RNF170: variants seen among roughly 807,000 people sequenced by gnomAD.
The protein encoded by RNF170 is E3 ubiquitin-protein ligase RNF170.
A neutral mutation model predicts 32.7 loss-of-function variants in RNF170; 12 were observed. That is an observed-to-expected ratio of 0.37 (90% CI 0.24 to 0.60). RNF170 has a LOEUF of 0.60. RNF170 is among the 20% of genes least tolerant of loss of function. The pLI, the probability that RNF170 is intolerant of heterozygous loss-of-function variation, is 0.72. For synonymous variants in RNF170, 91 were observed against 103.6 expected (o/e 0.88, Z 0.74); for missense variants, 212 against 311.2 (o/e 0.68, Z 2.40).
intron 5 of RNF170, among the ~76,000 whole-genome samples, chr8:42,863,980 AGTGTGTGTGTGTGTGTGTGTGT>A (rs71231874): frequency 7.2e-6 from 1 of 139,512 alleles, no homozygotes; most frequent in African/African-American, 2.7e-5. Context: ...AGAGAGAGAG[AGTGTGTGTGTGTGTGTGTGTGT>A]GTGTGTGTGT....
chr8:42,866,155 T>C (rs73634702), intron 4 of RNF170, among the ~76,000 whole-genome samples: 2,179 of 152,244 alleles, frequency 0.014, 52 homozygotes, highest in African/African-American at 0.051. Context: ...AGAGCATAAA[T>C]TTTCTGTTCT....
intron 5 of RNF170, among the ~76,000 whole-genome samples, chr8:42,864,564 T>C (rs1181563154): frequency 1.3e-5 from 2 of 152,158 alleles, no homozygotes; most frequent in Admixed American, 6.5e-5. Flanking sequence ...TGGAGAGAAT[T>C]TGGCATGTCT....
At chr8:42,876,676 T>C (rs1202642322) in intron 2 of RNF170, among the ~76,000 whole-genome samples, 13 of 150,452 alleles carry the variant, frequency 8.6e-5, no homozygotes, top group Admixed American at 4.6e-4. Context: ...TTTTTTTTTT[T>C]TGAGACAGAG....
intron 6 of RNF170, among the ~76,000 whole-genome samples, chr8:42,860,932 G>T (rs899837472): frequency 6.6e-6 from 1 of 152,048 alleles, no homozygotes; most frequent in African/African-American, 2.4e-5. Context: ...TGGCCAGGCT[G>T]GTCTCGAACT....
intron 1 of RNF170, among the ~76,000 whole-genome samples, chr8:42,890,427 C>G (rs1010248351): frequency 2.0e-5 from 3 of 151,692 alleles, no homozygotes; most frequent in African/African-American, 7.3e-5. Context: ...ACAGGCGCCC[C>G]CCACCACACC....
At chr8:42,869,037 AG>A in intron 4 of RNF170, among the ~76,000 whole-genome samples, 1 of 152,126 alleles carries the variant, frequency 6.6e-6, no homozygotes, top group African/African-American at 2.4e-5. Flanking sequence ...CAGCCTCCCC[AG>A]TAGCTGGGAT....
chr8:42,854,775 G>T lies in RNF170; in HGVS notation c.*1384C>A. On this transcript the variant is annotated 3_prime_UTR_variant, in exon 7 of 7. Coordinates refer to ENST00000527424, the MANE Select transcript of RNF170 (RefSeq NM_030954.4). ...ACTCCTGGGCATCCCCTCACATCCT[G>T]CTGTCATACATTCACTAATGAGCAA... 1 of 1,287,428 alleles carries T rather than the reference G, an allele frequency of 7.8e-7. No individual in the cohort carries two copies. The highest frequency in any genetic ancestry group is 1.2e-5 in the South Asian group (1 of 80,938). The allele number at this position is 1,287,428 out of a possible 1,614,324, so 79.8% of individuals were successfully genotyped here. A position where few individuals can be genotyped will look rare whatever the true frequency, so the allele number is the denominator to read the frequency against.
chr8:42,856,394 A>T lies in RNF170; in HGVS notation c.542T>A (p.Leu181Gln), dbSNP rs770448169. The change falls in exon 7 of 7, where the codon CTG (leucine) becomes CAG (glutamine). Residue 181 changes from leucine to glutamine, a missense_variant. Physicochemically the swap from Leu to Gln is moderately radical, Grantham distance 113. This residue lies in a region of RNF170 where 97 missense variants were observed against 178.9 expected (regional missense o/e 0.54). Transcript: ENST00000527424. ...MERIMDLPTL[L>Q]RHAFREMFSV... is the part of the protein sequence containing the mutation. ...AAACATTTCCCTGAATGCATGCCTCAGTAAAGTGGGTAGATCCATAATTCT... is the reference window on the plus strand; with the variant it reads ...AAACATTTCCCTGAATGCATGCCTCTGTAAAGTGGGTAGATCCATAATTCT... 1 of 1,610,092 alleles carries T rather than the reference A, an allele frequency of 6.2e-7. No individual in the cohort carries two copies. Among genetic ancestry groups the T allele is most frequent in the African/African-American group, 1.3e-5 (1 of 74,796 alleles).
rs1443301536 is a variant in RNF170 at position 42,896,486 on chromosome 8, C to T, written c.-10G>A. 2.2e-6 allele frequency: 1 copy of T among 453,986 alleles called. No individual in the cohort carries two copies. The highest frequency in any genetic ancestry group is 4.4e-6 in the Non-Finnish European group (1 of 226,714). 28.1% of individuals were successfully genotyped at this position (453,986 alleles called of 1,614,324 possible). ...TGGCCGCCGCGCGCCGGACGTACCT[C>T]TCCACCGCGAAGGAACTACCTCGCC... is the stretch of plus-strand genomic sequence containing the variant. On this transcript the variant is annotated splice_region_variant and 5_prime_UTR_variant, in exon 1 of 7. Coordinates refer to ENST00000527424, the MANE Select transcript of RNF170 (RefSeq NM_030954.4).
chr8:42,882,281 T>A (rs1015778881), intron 2 of RNF170, among the ~76,000 whole-genome samples: 1 of 152,214 alleles, frequency 6.6e-6, no homozygotes, highest in South Asian at 2.1e-4. Flanking sequence ...TACACCAGTG[T>A]TCCTAGCAGC....
chr8:42,854,761 T>TC lies in RNF170; in HGVS notation c.*1397dup, dbSNP rs1563652872. ...CAATGCTAACACTGACTCCTGGGCA[T>TC]CCCCTCACATCCTGCTGTCATACAT... On this transcript the variant is annotated 3_prime_UTR_variant, in exon 7 of 7. Transcript: ENST00000527424. The TC allele has an allele frequency of 2.3e-5, 29 of 1,287,402 alleles. No individual in the cohort carries two copies. The highest frequency in any genetic ancestry group is 2.7e-5 in the Non-Finnish European group (27 of 988,682). The allele number at this position is 1,287,402 out of a possible 1,614,324, so 79.7% of individuals were successfully genotyped here. A position where few individuals can be genotyped will look rare whatever the true frequency, so the allele number is the denominator to read the frequency against.
At chr8:42,886,141 G>A (rs934724073) in intron 2 of RNF170, among the ~76,000 whole-genome samples, 1 of 151,770 alleles carries the variant, frequency 6.6e-6, no homozygotes, top group African/African-American at 2.4e-5. Flanking sequence ...GGAGAATGGC[G>A]TGAACCCGGG....
intron 3 of RNF170, among the ~76,000 whole-genome samples, chr8:42,873,043 C>T (rs1416692615): frequency 6.6e-6 from 1 of 152,054 alleles, no homozygotes; most frequent in African/African-American, 2.4e-5. Flanking sequence ...TATAGCTGTG[C>T]ACCACCATAC....
intron 6 of RNF170, among the ~76,000 whole-genome samples, chr8:42,859,575 C>T (rs556317310): frequency 8.5e-5 from 13 of 152,168 alleles, no homozygotes; most frequent in African/African-American, 3.1e-4. Flanking sequence ...TGCAGTGAGC[C>T]GTGATCACAC....
At chr8:42,886,707 G>C (rs570452143) in intron 2 of RNF170, among the ~76,000 whole-genome samples, 1 of 152,140 alleles carries the variant, frequency 6.6e-6, no homozygotes, top group South Asian at 2.1e-4. Context: ...GATTACCGGC[G>C]TGAGCCACCA....
Position 42,865,346 on chromosome 8 carries a change from A to G in RNF170, c.396+70T>C. The G allele has an allele frequency of 3.5e-6, 4 of 1,156,508 alleles. No individual in the cohort carries two copies. The Admixed American group carries it at 6.8e-5, about 20-fold the overall frequency. The allele number at this position is 1,156,508 out of a possible 1,614,324, so 71.6% of individuals were successfully genotyped here. A position where few individuals can be genotyped will look rare whatever the true frequency, so the allele number is the denominator to read the frequency against. On this transcript the variant is annotated intron_variant, in intron 5 of 6. Coordinates refer to ENST00000527424, the MANE Select transcript of RNF170 (RefSeq NM_030954.4). ...AAAAGACAATAATAATTCCAAATGT[A>G]GATACAAAAACTATAAAAATGTACA...
In RNF170 at chr8:42,854,578, A is replaced by G; in HGVS notation, c.*1581T>C. 7.8e-7 allele frequency: 1 copy of G among 1,287,058 alleles called. No homozygotes were observed. The highest frequency in any genetic ancestry group is 1.2e-5 in the South Asian group (1 of 80,940). 79.7% of individuals were successfully genotyped at this position (1,287,058 alleles called of 1,614,324 possible). A position where few individuals can be genotyped will look rare whatever the true frequency, so the allele number is the denominator to read the frequency against. ...GCTCTGTCCTAGGTCCAAATTAGAA[A>G]AACACATATTGATATTTCATTCAGA... is the stretch of plus-strand genomic sequence containing the variant. On this transcript the variant is annotated 3_prime_UTR_variant, in exon 7 of 7. Coordinates refer to ENST00000527424, the MANE Select transcript of RNF170 (RefSeq NM_030954.4).
intron 2 of RNF170, among the ~76,000 whole-genome samples, chr8:42,884,390 CT>C (rs941988599): frequency 1.7e-4 from 26 of 151,428 alleles, no homozygotes; most frequent in African/African-American, 5.3e-4. Flanking sequence ...GGCTCTAATT[CT>C]TTTTTTTTCT....
rs1471951783 is a variant in RNF170, at chr8:42,856,088, G to C, written c.*71C>G. The C allele has an allele frequency of 6.2e-7, 1 of 1,603,836 alleles. No homozygotes were observed. Among genetic ancestry groups the C allele is most frequent in the Admixed American group, 1.7e-5 (1 of 59,944 alleles). Reference sequence around the variant, plus strand: ...CTCCATTGCTTCATTGCTTTATACTGCCATGGGTCCTTCTGTTTGATGTTC... The same window carrying C: ...CTCCATTGCTTCATTGCTTTATACTCCCATGGGTCCTTCTGTTTGATGTTC... On this transcript the variant is annotated 3_prime_UTR_variant, in exon 7 of 7. Transcript: ENST00000527424.
Sources: allele counts gnomAD v4.1 joint callset (sites outside exome capture counted in the v4.1 genomes callset), GRCh38; gene constraint gnomAD v4.1.1; regional missense constraint gnomAD v4.1.1; transcripts MANE v1.5; gene names NCBI Gene and HGNC (gene_info 2026-07-23, HGNC 2026-07-21).